The following NPSR1 variants were observed in gnomAD, a reference collection of about 807,000 sequenced individuals.
The protein encoded by NPSR1 is neuropeptide S receptor.
In NPSR1, 48 loss-of-function variants were observed where a neutral mutation model predicts 46.9. The ratio of observed to expected loss-of-function variants is 1.02; its 90% confidence interval spans 0.81 to 1.30. The LOEUF is 1.30. Among genes scored for constraint, NPSR1 ranks in the 50% most tolerant of loss-of-function variants. The pLI is 0.00. For synonymous variants in NPSR1, 176 were observed against 168.1 expected (o/e 1.05, Z -0.36); for missense variants, 450 against 449.5 (o/e 1.00, Z -0.01).
chr7:34,854,418 A>G (rs554655058), downstream of NPSR1, among the ~76,000 whole-genome samples: 2 of 152,348 alleles, frequency 1.3e-5, no homozygotes, highest in South Asian at 2.1e-4. Flanking sequence ...TTTACAAAAG[A>G]CATGCCTAAA....
chr7:34,870,331 A>ACTC (rs1235652549), intron 8 of NPSR1, among the ~76,000 whole-genome samples: 1 of 151,830 alleles, frequency 6.6e-6, no homozygotes, highest in African/African-American at 2.4e-5. Flanking sequence ...TTCCTGGACC[A>ACTC]CTCTAAAATA....
chr7:34,729,837 A>T (rs1784339918), intron 2 of NPSR1, among the ~76,000 whole-genome samples: 4 of 152,192 alleles, frequency 2.6e-5, no homozygotes. Flanking sequence ...CAATGGCACG[A>T]TCTCAACTCA....
chr7:34,826,521 C>A (rs1409410910), intron 4 of NPSR1, among the ~76,000 whole-genome samples: 1 of 152,036 alleles, frequency 6.6e-6, no homozygotes, highest in African/African-American at 2.4e-5. Flanking sequence ...GAAGAAGGTC[C>A]CAGAGCCAAT....
intron 2 of NPSR1, among the ~76,000 whole-genome samples, chr7:34,721,191 G>A (rs1045444131): frequency 2.0e-5 from 3 of 152,280 alleles, no homozygotes; most frequent in Middle Eastern, 3.4e-3. Flanking sequence ...CAAAACAGGT[G>A]TAATTCATGT....
At chr7:34,754,110 A>ACTTC (rs1219750533) in intron 2 of NPSR1, among the ~76,000 whole-genome samples, 2 of 152,184 alleles carry the variant, frequency 1.3e-5, no homozygotes, top group Non-Finnish European at 2.9e-5. Flanking sequence ...TAGGATCAGA[A>ACTTC]CTTCCACCCA....
At chr7:34,695,289 T>C (rs1793462769) in intron 2 of NPSR1, among the ~76,000 whole-genome samples, 1 of 151,992 alleles carries the variant, frequency 6.6e-6, no homozygotes. Flanking sequence ...ACCCTACCTA[T>C]GACAATATAC....
At chr7:34,786,549 C>T (rs1404217082) in intron 3 of NPSR1, among the ~76,000 whole-genome samples, 3 of 152,110 alleles carry the variant, frequency 2.0e-5, no homozygotes, top group African/African-American at 7.2e-5. Context: ...GTGAGTCCTT[C>T]TGGAAGGTTT....
At chr7:34,722,952 G>A (rs540330504) in intron 2 of NPSR1, among the ~76,000 whole-genome samples, 1 of 152,282 alleles carries the variant, frequency 6.6e-6, no homozygotes, top group South Asian at 2.1e-4. Flanking sequence ...AGCCTGAAGT[G>A]AGTGTCCCAT....
Position 34,792,677 on chromosome 7 carries a change from A to ATATATATATATT in NPSR1, c.384+14123_384+14124insTTATATATATAT, listed in dbSNP as rs58728745. Among the ~76,000 whole-genome samples, 396 of 90,500 alleles carry ATATATATATATT rather than the reference A, an allele frequency of 4.4e-3. 47 individuals are homozygous for ATATATATATATT. Among genetic ancestry groups the ATATATATATATT allele is most frequent in the Middle Eastern group, 0.041 (7 of 172 alleles). 59.4% of individuals were successfully genotyped at this position (90,500 alleles called of 152,430 possible). On this transcript the variant is annotated intron_variant, in intron 3 of 8. Coordinates refer to ENST00000360581, the MANE Select transcript of NPSR1 (RefSeq NM_207172.2). ...TGTATATATATATTTATATATATGT[A>ATATATATATATT]TATATATATATGTATATATATACGT...
At chr7:34,818,933 G>T (rs1225055987) in intron 4 of NPSR1, among the ~76,000 whole-genome samples, 1 of 152,150 alleles carries the variant, frequency 6.6e-6, no homozygotes, top group Non-Finnish European at 1.5e-5. Flanking sequence ...ATGGATTAAA[G>T]ACTTAAATGT....
intron 3 of NPSR1, among the ~76,000 whole-genome samples, chr7:34,792,144 A>G (rs1787911451): frequency 6.6e-6 from 1 of 152,136 alleles, no homozygotes; most frequent in Admixed American, 6.6e-5. Context: ...GTTCCTTGAC[A>G]TTTCTCTTGG....
Position 34,709,315 on chromosome 7 carries a change from C to A in NPSR1, c.280+24631C>A, listed in dbSNP as rs10240859. On this transcript the variant is annotated intron_variant, in intron 2 of 8. Coordinates refer to ENST00000360581, the MANE Select transcript of NPSR1 (RefSeq NM_207172.2). ...CATTCTGACTGAACTCTGCCAAAAA[C>A]TCTTAACATTAATAATTATTACCTG... 1.8e-3 allele frequency among the ~76,000 whole-genome samples: 271 copies of A among 152,288 alleles called. 2 individuals carry two copies. Among genetic ancestry groups the A allele is most frequent in the African/African-American group, 6.3e-3 (262 of 41,564 alleles).
At chr7:34,843,132 C>G (rs1339955177) in intron 6 of NPSR1, among the ~76,000 whole-genome samples, 1 of 152,210 alleles carries the variant, frequency 6.6e-6, no homozygotes, top group Non-Finnish European at 1.5e-5. Context: ...GGATGGGTCT[C>G]TCCTCTGTCC....
chr7:34,688,272 G>A (rs989337458), intron 2 of NPSR1, among the ~76,000 whole-genome samples: 2 of 152,064 alleles, frequency 1.3e-5, no homozygotes, highest in Non-Finnish European at 2.9e-5. Context: ...CATGCACAAC[G>A]TTCAGCACTT....
In NPSR1 at chr7:34,865,664, C is replaced by G. The variant is rs183574044; in HGVS notation, c.1026-12412C>G. Among the ~76,000 whole-genome samples the G allele has an allele frequency of 5.3e-5, 8 of 151,852 alleles. No homozygotes were observed. In the East Asian group the frequency reaches 7.7e-4, roughly 15 times the overall value. ...ATATACTGTTTCTCAAGACACACCC[C>G]CCTTAGCATCCTTAGCAGGTATAAG... On this transcript the variant is annotated intron_variant, in intron 8 of 8. Transcript: ENST00000359791.
At chr7:34,834,340 G>C in intron 5 of NPSR1, 44 bp from the exon 6 acceptor site, 1 of 1,448,646 alleles carries the variant, frequency 6.9e-7, no homozygotes, top group Non-Finnish European at 9.7e-7. Flanking sequence ...CTCACAGTAG[G>C]GATCCACCAG....
At chr7:34,846,246 C>T (rs1315081440) in intron 7 of NPSR1, among the ~76,000 whole-genome samples, 1 of 152,110 alleles carries the variant, frequency 6.6e-6, no homozygotes, top group Non-Finnish European at 1.5e-5. Context: ...GCCTGCATAG[C>T]CCTTTATCAT....
chr7:34,858,231 T>G (rs528822592), intron 8 of NPSR1, among the ~76,000 whole-genome samples: 1 of 151,674 alleles, frequency 6.6e-6, no homozygotes, highest in Non-Finnish European at 1.5e-5. Context: ...ATAATAGATA[T>G]GAAAAATATT....
chr7:34,744,400 G>A (rs1040833455), intron 2 of NPSR1, among the ~76,000 whole-genome samples: 1 of 152,078 alleles, frequency 6.6e-6, no homozygotes, highest in African/African-American at 2.4e-5. Flanking sequence ...GTCTACATGT[G>A]CCTAACCTTG....
Sources: allele counts gnomAD v4.1 joint callset (sites outside exome capture counted in the v4.1 genomes callset), GRCh38; gene constraint gnomAD v4.1.1; transcripts MANE v1.5; gene names NCBI Gene and HGNC (gene_info 2026-07-23, HGNC 2026-07-21).